MAF: variants seen among roughly 807,000 people sequenced by gnomAD.
MAF encodes the protein transcription factor Maf.
Under a neutral mutation model 22.0 loss-of-function variants are expected in MAF, and 10 were observed. That is an observed-to-expected ratio of 0.45 (90% CI 0.28 to 0.77). The LOEUF is 0.77. MAF is among the 30% of genes least tolerant of loss of function. MAF has a pLI of 0.12. For synonymous variants in MAF, 337 were observed against 255.8 expected, an observed-to-expected ratio of 1.32 and a Z score of -3.03; for missense variants, 544 against 548.4, an observed-to-expected ratio of 0.99 and a Z score of 0.08.
At chr16:79,515,274 C>A in the MAF span, among the ~76,000 whole-genome samples, 1 of 152,188 alleles carries the variant, frequency 6.6e-6, no homozygotes, top group Non-Finnish European at 1.5e-5. Context: ...GCGATTAGTG[C>A]CACTCATCAA....
At chr16:79,502,935 C>G in the MAF span, among the ~76,000 whole-genome samples, 1 of 151,316 alleles carries the variant, frequency 6.6e-6, no homozygotes, top group East Asian at 1.9e-4. Context: ...CTACACACAT[C>G]TTAGTAAATA....
the MAF span, among the ~76,000 whole-genome samples, chr16:79,437,608 C>T: frequency 6.6e-6 from 1 of 152,086 alleles, no homozygotes; most frequent in African/African-American, 2.4e-5. Flanking sequence ...CCTCATTTTA[C>T]AGCTGAGGAA....
chr16:79,357,252 TCACAAC>T, the MAF span, among the ~76,000 whole-genome samples: 3 of 111,346 alleles, frequency 2.7e-5, no homozygotes, highest in African/African-American at 7.4e-5. Context: ...CAAGACTCTG[TCACAAC>T]AACAACAACA....
At chr16:79,572,789 C>A in the MAF span, among the ~76,000 whole-genome samples, 4 of 152,184 alleles carry the variant, frequency 2.6e-5, no homozygotes, top group African/African-American at 9.7e-5. Flanking sequence ...AACTCACACA[C>A]ATAAACACAC....
chr16:79,568,462 G>C, the MAF span, among the ~76,000 whole-genome samples: 1 of 152,188 alleles, frequency 6.6e-6, no homozygotes, highest in Non-Finnish European at 1.5e-5. Flanking sequence ...CCTCATGGTA[G>C]GTGAGTCTGA....
At chr16:79,275,119 G>T in the MAF span, among the ~76,000 whole-genome samples, 18 of 152,318 alleles carry the variant, frequency 1.2e-4, no homozygotes, top group East Asian at 3.3e-3. Flanking sequence ...ACTTTGGGAG[G>T]CTGAGGCAGG....
At chr16:79,581,093 C>A (rs1243999210), downstream of MAF, among the ~76,000 whole-genome samples, 1 of 152,054 alleles carries the variant, frequency 6.6e-6, no homozygotes, top group Non-Finnish European at 1.5e-5. Flanking sequence ...TGCTTGATTT[C>A]AACACTATTA....
chr16:79,207,173 C>T, the MAF span, among the ~76,000 whole-genome samples: 1 of 152,210 alleles, frequency 6.6e-6, no homozygotes, highest in South Asian at 2.1e-4. Context: ...CAGCAGCTCT[C>T]TGATAAATGT....
chr16:79,209,224 T>G, the MAF span, among the ~76,000 whole-genome samples: 2 of 152,198 alleles, frequency 1.3e-5, no homozygotes, highest in African/African-American at 4.8e-5. Flanking sequence ...TAATTGCCTT[T>G]AGATTCCGTG....
At chr16:79,568,623 A>C in the MAF span, among the ~76,000 whole-genome samples, 25 of 152,134 alleles carry the variant, frequency 1.6e-4, no homozygotes, top group African/African-American at 5.8e-4. Context: ...CCGGTTTCTG[A>C]GTCTTGGATC....
chr16:79,465,529 T>G, the MAF span, among the ~76,000 whole-genome samples: 4 of 151,794 alleles, frequency 2.6e-5, no homozygotes, highest in Admixed American at 6.6e-5. Flanking sequence ...AGAGGTGGAG[T>G]TGCAGTGAGC....
At chr16:79,281,789 C>T in the MAF span, among the ~76,000 whole-genome samples, 1 of 152,060 alleles carries the variant, frequency 6.6e-6, no homozygotes, top group African/African-American at 2.4e-5. Flanking sequence ...TTGTGATCTG[C>T]CTGCCTCAGC....
the MAF span, among the ~76,000 whole-genome samples, chr16:79,506,427 C>A: frequency 6.6e-6 from 1 of 152,230 alleles, no homozygotes; most frequent in East Asian, 1.9e-4. Flanking sequence ...TATCTCTTAG[C>A]GTCTTTGGCA....
At chr16:79,556,078 GT>G in the MAF span, among the ~76,000 whole-genome samples, 3 of 152,044 alleles carry the variant, frequency 2.0e-5, no homozygotes, top group Admixed American at 6.6e-5. Flanking sequence ...ATATTTAGTT[GT>G]AATTTTATAT....
the MAF span, among the ~76,000 whole-genome samples, chr16:79,488,825 T>C: frequency 1.3e-5 from 2 of 151,976 alleles, no homozygotes; most frequent in Non-Finnish European, 2.9e-5. Flanking sequence ...GGACTAATAT[T>C]CCCTTGAACG....
chr16:79,442,579 T>C, the MAF span, among the ~76,000 whole-genome samples: 1 of 151,696 alleles, frequency 6.6e-6, no homozygotes, highest in South Asian at 2.1e-4. Flanking sequence ...TCTTGCACTG[T>C]TGCCTAGGCT....
the MAF span, among the ~76,000 whole-genome samples, chr16:79,223,291 GAAAT>G: frequency 2.6e-5 from 4 of 152,258 alleles, no homozygotes; most frequent in East Asian, 7.7e-4. Flanking sequence ...AATGAAGACA[GAAAT>G]AAAGTTCTTT....
chr16:79,299,982 T>G, the MAF span, among the ~76,000 whole-genome samples: 1 of 152,168 alleles, frequency 6.6e-6, no homozygotes, highest in East Asian at 1.9e-4. Flanking sequence ...GTGACTTACT[T>G]GAGAGCATCA....
chr16:79,448,304 C>A, the MAF span, among the ~76,000 whole-genome samples: 1 of 151,946 alleles, frequency 6.6e-6, no homozygotes, highest in Admixed American at 6.5e-5. Context: ...AAGTCAGCAG[C>A]CATCGGAATA....
Sources: allele counts gnomAD v4.1 joint callset (sites outside exome capture counted in the v4.1 genomes callset), GRCh38; gene constraint gnomAD v4.1.1; transcripts MANE v1.5; gene names NCBI Gene and HGNC (gene_info 2026-07-23, HGNC 2026-07-21).